The following ABRAXAS2 variants were observed in gnomAD, a reference collection of about 807,000 sequenced individuals.
ABRAXAS2 encodes BRISC complex subunit Abraxas 2.
ABRAXAS2 carries 23 observed loss-of-function variants against 49.0 expected under a neutral mutation model. The ratio of observed to expected loss-of-function variants is 0.47; its 90% CI spans 0.34 to 0.66. The LOEUF is 0.66. ABRAXAS2 is among the 30% of genes least tolerant of loss of function. The pLI is 0.01. For synonymous variants in ABRAXAS2, 168 were observed against 180.2 expected (o/e 0.93, Z 0.54); for missense variants, 443 against 511.9 (o/e 0.87, Z 1.30).
chr10:124,820,421 T>C (rs569350890), intron 4 of ABRAXAS2, among the ~76,000 whole-genome samples: 13 of 152,248 alleles, frequency 8.5e-5, no homozygotes, highest in Non-Finnish European at 1.3e-4. Context: ...ATCTCTCAGA[T>C]GCTACCTTAC....
intron 3 of ABRAXAS2, among the ~76,000 whole-genome samples, chr10:124,818,169 G>A (rs2134164923): frequency 6.6e-6 from 1 of 152,246 alleles, no homozygotes; most frequent in African/African-American, 2.4e-5. Flanking sequence ...GGCCAAAGCA[G>A]GTGGATCATG....
rs144868475 is a variant in ABRAXAS2, at chr10:124,832,631, G to A, written c.778+1168G>A. Among the ~76,000 whole-genome samples, 556 of 152,014 alleles carry A rather than the reference G, an allele frequency of 3.7e-3. 9 individuals carry two copies. The highest frequency in any genetic ancestry group is 0.013 in the African/African-American group (520 of 41,460). ...AGGCCGAGGCAGGCAGATCACCTGA[G>A]GTCAGGAGTTCAAGACTAGCCTGGC... On this transcript the variant is annotated intron_variant, in intron 8 of 8. Coordinates refer to ENST00000298492, the MANE Select transcript of ABRAXAS2 (RefSeq NM_032182.4).
chr10:124,811,762 ATAAT>A (rs1486988136), intron 2 of ABRAXAS2, among the ~76,000 whole-genome samples: 1 of 151,900 alleles, frequency 6.6e-6, no homozygotes, highest in Non-Finnish European at 1.5e-5. Flanking sequence ...ATAATAAAAC[ATAAT>A]TAATTTTGTT....
chr10:124,826,464 C>T (rs766250016), intron 4 of ABRAXAS2, 131 bp from the exon 5 acceptor site: 28 of 779,366 alleles, frequency 3.6e-5, no homozygotes, highest in East Asian at 1.0e-4. Flanking sequence ...TGCTCATGGA[C>T]GCTTGGGTTG....
intron 4 of ABRAXAS2, among the ~76,000 whole-genome samples, chr10:124,822,776 A>G (rs1950870072): frequency 6.7e-6 from 1 of 148,532 alleles, no homozygotes; most frequent in African/African-American, 2.5e-5. Context: ...TGGGCGACAG[A>G]GCAAGACTCC....
chr10:124,833,481 G>T (rs532993877), intron 8 of ABRAXAS2, among the ~76,000 whole-genome samples: 1 of 152,090 alleles, frequency 6.6e-6, no homozygotes, highest in East Asian at 1.9e-4. Flanking sequence ...CAGAAAACTA[G>T]GATATAAAAC....
Position 124,835,757 on chromosome 10 carries a change from A to G in ABRAXAS2, c.*786A>G, listed in dbSNP as rs922424259. 25 of 152,198 alleles carry G rather than the reference A, an allele frequency of 1.6e-4. No individual in the cohort carries two copies. Among genetic ancestry groups the G allele is most frequent in the African/African-American group, 6.0e-4 (25 of 41,458 alleles). 9.4% of individuals were successfully genotyped at this position (152,198 alleles called of 1,614,324 possible). A position where few individuals can be genotyped will look rare whatever the true frequency, so the allele number is the denominator to read the frequency against. On this transcript the variant is annotated 3_prime_UTR_variant, in exon 9 of 9. Transcript: ENST00000298492. ...TCTTGGAGGACACACAGCAGTGGAG[A>G]ACAGAAGGAGTGAGTTTTATAATGA...
chr10:124,802,807 A>G (rs1213919022), intron 1 of ABRAXAS2, among the ~76,000 whole-genome samples: 1 of 152,226 alleles, frequency 6.6e-6, no homozygotes, highest in African/African-American at 2.4e-5. Context: ...TGTCATTACA[A>G]AGCAAAATGG....
intron 4 of ABRAXAS2, among the ~76,000 whole-genome samples, chr10:124,822,577 G>A (rs1445466343): frequency 6.6e-6 from 1 of 152,162 alleles, no homozygotes; most frequent in African/African-American, 2.4e-5. Context: ...TGGATCACCT[G>A]AGGTCAGGAG....
At chr10:124,816,759 G>A (rs989596352) in intron 3 of ABRAXAS2, 147 bp downstream of exon 3, 13 of 591,316 alleles carry the variant, frequency 2.2e-5, no homozygotes, top group Non-Finnish European at 3.9e-5. Flanking sequence ...ACACGGCACT[G>A]TGTTAGGTTA....
rs878884120 is a variant in ABRAXAS2, at chr10:124,831,280, C to A, written c.664-69C>A. ...TCTGGACTTTTCCTGGAGTTGTAAT[C>A]AGCGCTGAATTTATGGAATGCCTTG... On this transcript the variant is annotated intron_variant, in intron 7 of 8. Coordinates refer to ENST00000298492, the MANE Select transcript of ABRAXAS2 (RefSeq NM_032182.4). 61 of 909,396 alleles carry A rather than the reference C, an allele frequency of 6.7e-5. No homozygotes were observed. The South Asian group carries it at 8.5e-4, about 13-fold the overall frequency. 56.3% of individuals were successfully genotyped at this position (909,396 alleles called of 1,614,324 possible). A position where few individuals can be genotyped will look rare whatever the true frequency, so the allele number is the denominator to read the frequency against.
chr10:124,822,981 T>C (rs1950872013), intron 4 of ABRAXAS2, among the ~76,000 whole-genome samples: 2 of 152,204 alleles, frequency 1.3e-5, no homozygotes, highest in African/African-American at 4.8e-5. Context: ...AGTTGGTCTA[T>C]AGTTTTGATT....
At position 124,835,107 on chromosome 10, in the gene ABRAXAS2, A is replaced by G. The variant is rs1235190161; in HGVS notation, c.*136A>G. 1.6e-6 allele frequency: 1 copy of G among 645,110 alleles called. No homozygotes were observed. Among genetic ancestry groups the G allele is most frequent in the Non-Finnish European group, 2.6e-6 (1 of 384,042 alleles). 40.0% of individuals were successfully genotyped at this position (645,110 alleles called of 1,614,324 possible). On this transcript the variant is annotated 3_prime_UTR_variant, in exon 9 of 9. Coordinates refer to ENST00000298492, the MANE Select transcript of ABRAXAS2 (RefSeq NM_032182.4). ...CGAGAAGAGAGTCCTTGTGCACAGA[A>G]CTTGTGGGAGCCTCCATCCGCTGCT... is the stretch of plus-strand genomic sequence containing the variant.
chr10:124,831,518 TCAGATTATA>T, intron 8 of ABRAXAS2, 55 bp downstream of exon 8: 2 of 958,764 alleles, frequency 2.1e-6, no homozygotes, highest in Non-Finnish European at 3.3e-6. Flanking sequence ...GTTTTAAACA[TCAGATTATA>T]CTATACAATA....
At position 124,831,351 on chromosome 10, in the gene ABRAXAS2, A is replaced by G. The variant is rs1282074649; in HGVS notation, c.666A>G (p.Ala222=). ...VYNALQEKVQ[A]VCADVEKSER... ...CTCGTTGTCATTTTTTTCCTCAGGC[A>G]GTGTGTGCAGATGTTGAAAAGAGTG... Residue 222 remains alanine, a splice_region_variant and synonymous_variant, in exon 8 of 9, where the codon GCA becomes GCG. Transcript: ENST00000298492. 1 of 1,599,210 alleles carries G rather than the reference A, an allele frequency of 6.3e-7. No individual in the cohort carries two copies. The highest frequency in any genetic ancestry group is 8.6e-7 in the Non-Finnish European group (1 of 1,167,304).
chr10:124,826,849 T>TAG (rs1282300891), intron 5 of ABRAXAS2, 64 bp downstream of exon 5: 3 of 1,495,380 alleles, frequency 2.0e-6, no homozygotes, highest in Non-Finnish European at 2.8e-6. Context: ...CGTGGTGGCT[T>TAG]ACGCCTGTAA....
intron 1 of ABRAXAS2, among the ~76,000 whole-genome samples, chr10:124,803,352 A>G (rs1227388775): frequency 6.6e-6 from 1 of 152,240 alleles, no homozygotes. Context: ...TGCCACAATT[A>G]TAGATGTGGA....
rs1202437716 is a variant in ABRAXAS2, at chr10:124,801,846, C to T, written c.17C>T (p.Ser6Leu). ...ATTTCCATCATGGCGGCGTCCATTTCGGGCTACACCTTCAGTGCTGTGTGT... is the reference window on the plus strand; with the variant it reads ...ATTTCCATCATGGCGGCGTCCATTTTGGGCTACACCTTCAGTGCTGTGTGT... MAASISGYTFSAVCFH... is the reference protein window; with the variant it reads MAASILGYTFSAVCFH... Residue 6 changes from serine (S) to leucine (L), a missense_variant, in exon 1 of 9, where the codon TCG (serine) becomes TTG (leucine). Coordinates refer to ENST00000298492, the MANE Select transcript of ABRAXAS2 (RefSeq NM_032182.4). 6 of 1,613,340 alleles carry T rather than the reference C, an allele frequency of 3.7e-6. No individual in the cohort carries two copies. The highest frequency in any genetic ancestry group is 2.5e-6 in the Non-Finnish European group (3 of 1,179,766).
intron 1 of ABRAXAS2, among the ~76,000 whole-genome samples, chr10:124,803,985 CT>C (rs1950724130): frequency 6.6e-6 from 1 of 152,170 alleles, no homozygotes; most frequent in Non-Finnish European, 1.5e-5. Context: ...AGTTTGCCAA[CT>C]CCTACTATAA....
Sources: gnomAD v4.1 joint callset for allele counts (sites outside exome capture counted in the v4.1 genomes callset) on GRCh38, gnomAD v4.1.1 for gene constraint, MANE v1.5 for transcripts, NCBI Gene and HGNC (gene_info 2026-07-23, HGNC 2026-07-21) for gene names.